PEMT: variants seen among roughly 807,000 people sequenced by gnomAD.
PEMT encodes the protein phospholipid methyltransferase.
In PEMT, 23 loss-of-function variants were observed where a neutral mutation model predicts 27.4. That is an observed-to-expected ratio of 0.84 (90% confidence interval 0.60 to 1.19). The LOEUF (loss-of-function observed/expected upper bound fraction) is 1.19. PEMT is among the 50% of genes most tolerant of loss of function. PEMT has a pLI of 0.00. For synonymous variants in PEMT, 137 were observed against 139.1 expected (o/e 0.98, Z 0.11); for missense variants, 307 against 310.1 (o/e 0.99, Z 0.07).
Position 17,586,288 on chromosome 17 carries a change from G to GAAAGAAAGAAA in PEMT, c.96+5242_96+5243insTTTCTTTCTTT, listed in dbSNP as rs1555546133. Among the ~76,000 whole-genome samples, 44 of 72,052 alleles carry GAAAGAAAGAAA rather than the reference G, an allele frequency of 6.1e-4. 1 individual carries two copies. The highest frequency in any genetic ancestry group is 8.5e-4 in the Non-Finnish European group (30 of 35,362). The allele number at this position is 72,052 out of a possible 152,430, so 47.3% of individuals were successfully genotyped here. On this transcript the variant is annotated intron_variant, in intron 1 of 6. Coordinates refer to ENST00000255389, the MANE Select transcript of PEMT (RefSeq NM_148172.3). Reference sequence around the variant, plus strand: ...AGAAAGAAAGAAAGAAAGAAAGAAAGAAAAAAAAAAACGCAGGTGGAAAAT... The same window carrying GAAAGAAAGAAA: ...AGAAAGAAAGAAAGAAAGAAAGAAAGAAAGAAAGAAAAAAAAAAAAAACGCAGGTGGAAAAT...
intron 2 of PEMT, among the ~76,000 whole-genome samples, chr17:17,554,401 G>A (rs1462181478): frequency 3.9e-5 from 6 of 152,126 alleles, no homozygotes; most frequent in Non-Finnish European, 7.4e-5. Context: ...CATGAACGTG[G>A]CCCTCCGTGC....
intron 1 of PEMT, 81 bp from the exon 2 acceptor site, chr17:17,577,108 C>G: frequency 9.6e-7 from 1 of 1,036,848 alleles, no homozygotes; most frequent in South Asian, 1.3e-5. Flanking sequence ...AAAAGTTACC[C>G]TCTGGGAACA....
intron 2 of PEMT, among the ~76,000 whole-genome samples, chr17:17,539,561 C>T (rs186851562): frequency 2.2e-4 from 33 of 152,288 alleles, no homozygotes; most frequent in African/African-American, 7.0e-4. Context: ...TTGGTGTGGA[C>T]GTGCCACAGT....
intron 2 of PEMT, among the ~76,000 whole-genome samples, chr17:17,563,379 C>T (rs1020518857): frequency 1.3e-5 from 2 of 152,118 alleles, no homozygotes; most frequent in Non-Finnish European, 2.9e-5. Context: ...TTCCAATAAC[C>T]GCATCCGCAG....
At chr17:17,565,046 A>T (rs1910738115) in intron 2 of PEMT, among the ~76,000 whole-genome samples, 1 of 152,152 alleles carries the variant, frequency 6.6e-6, no homozygotes, top group African/African-American at 2.4e-5. Context: ...TTGCGAGACA[A>T]CAGCTGGTTT....
intron 1 of PEMT, chr17:17,577,597 G>T: frequency 1.3e-6 from 1 of 784,224 alleles, no homozygotes; most frequent in Non-Finnish European, 1.5e-6. Flanking sequence ...CCCCCGCCCC[G>T]CCATCATCTT....
upstream of PEMT, chr17:17,591,728 TC>T: frequency 2.7e-6 from 4 of 1,490,528 alleles, no homozygotes; most frequent in Non-Finnish European, 3.6e-6. Flanking sequence ...CGGGGCGCTT[TC>T]CCGGTGACCC....
At chr17:17,526,011 A>T (rs909536541) in intron 2 of PEMT, among the ~76,000 whole-genome samples, 3 of 151,994 alleles carry the variant, frequency 2.0e-5, no homozygotes, top group Admixed American at 6.6e-5. Flanking sequence ...AAACAAACAA[A>T]CAAACAATGT....
rs532175629 is a variant in PEMT, at chr17:17,548,699, C to A, written c.205-26304G>T. 5.9e-5 allele frequency among the ~76,000 whole-genome samples: 9 copies of A among 152,284 alleles called. No individual in the cohort carries two copies. The East Asian group carries it at 1.4e-3, about 23-fold the overall frequency. On this transcript the variant is annotated intron_variant, in intron 2 of 6. Coordinates refer to ENST00000255389, the MANE Select transcript of PEMT (RefSeq NM_148172.3). Reference sequence around the variant, plus strand: ...GAGTAGCTGGGATTACAGGCATGCACCACCACGCCTGGCTAAGTTTGCATT... The same window carrying A: ...GAGTAGCTGGGATTACAGGCATGCAACACCACGCCTGGCTAAGTTTGCATT...
At position 17,571,565 on chromosome 17, in the gene PEMT, C is replaced by G. The variant is rs538773817; in HGVS notation, c.204+5355G>C. Reference sequence around the variant, plus strand: ...CGGAGTGGGTGCTGATGAGCAGAAGCGGGCAGCACCCCAGCCCAATGCTGG... The same window carrying G: ...CGGAGTGGGTGCTGATGAGCAGAAGGGGGCAGCACCCCAGCCCAATGCTGG... On this transcript the variant is annotated intron_variant, in intron 2 of 6. Coordinates refer to ENST00000255389, the MANE Select transcript of PEMT (RefSeq NM_148172.3). Among the ~76,000 whole-genome samples the G allele has an allele frequency of 2.0e-5, 3 of 152,218 alleles. No individual in the cohort carries two copies. In the South Asian group the frequency reaches 6.2e-4, roughly 32 times the overall value.
chr17:17,570,674 C>G lies in PEMT; in HGVS notation c.204+6246G>C, dbSNP rs899231592. 82 of 985,246 alleles carry G rather than the reference C, an allele frequency of 8.3e-5. No individual in the cohort carries two copies. In the African/African-American group the frequency reaches 1.3e-3, roughly 16 times the overall value. 61.0% of individuals were successfully genotyped at this position (985,246 alleles called of 1,614,324 possible). A position where few individuals can be genotyped will look rare whatever the true frequency, so the allele number is the denominator to read the frequency against. ...ATGACTGAGGATACAGGTGGGAGGA[C>G]GCCTGCCAGAAGGGCCTCCCGGGAC... is the stretch of plus-strand genomic sequence containing the variant. On this transcript the variant is annotated intron_variant, in intron 2 of 6. Transcript: ENST00000255389.
chr17:17,581,901 C>T (rs2142755179), intron 1 of PEMT, among the ~76,000 whole-genome samples: 1 of 152,286 alleles, frequency 6.6e-6, no homozygotes, highest in African/African-American at 2.4e-5. Context: ...TCCCCGATCC[C>T]CACTCAGAGA....
chr17:17,577,174 A>C, intron 1 of PEMT, 147 bp from the exon 2 acceptor site: 1 of 642,952 alleles, frequency 1.6e-6, no homozygotes. Flanking sequence ...GTGTAGTCTC[A>C]TAAAAGGGAA....
intron 2 of PEMT, among the ~76,000 whole-genome samples, chr17:17,525,571 G>GT (rs1907607936): frequency 6.6e-6 from 1 of 152,192 alleles, no homozygotes. Flanking sequence ...ACTGCTCCTG[G>GT]TTTTTGCCTG....
At chr17:17,577,459 C>G in intron 1 of PEMT, 7 of 1,037,724 alleles carry the variant, frequency 6.7e-6, no homozygotes, top group Non-Finnish European at 8.1e-6. Context: ...GTGTGCCTCT[C>G]CTCGCCCACA....
chr17:17,518,165 G>A (rs1906985253), intron 3 of PEMT: 10 of 985,212 alleles, frequency 1.0e-5, no homozygotes, highest in Non-Finnish European at 1.2e-5. Context: ...ACTGGTGAAC[G>A]ACACCAGGAG....
At chr17:17,547,437 A>T (rs1174759207) in intron 2 of PEMT, among the ~76,000 whole-genome samples, 1 of 152,252 alleles carries the variant, frequency 6.6e-6, no homozygotes, top group South Asian at 2.1e-4. Flanking sequence ...GCCAAAGAAC[A>T]GGGTGCTGGG....
At position 17,565,549 on chromosome 17, in the gene PEMT, C is replaced by T. The variant is rs1319296346; in HGVS notation, c.204+11371G>A. On this transcript the variant is annotated intron_variant, in intron 2 of 6. Coordinates refer to ENST00000255389, the MANE Select transcript of PEMT (RefSeq NM_148172.3). Reference sequence around the variant, plus strand: ...CACGCCTGGCAGGAAATGGGGAGGGCGGGGAGTCAGGACAGGTGGCAGGAA... The same window carrying T: ...CACGCCTGGCAGGAAATGGGGAGGGTGGGGAGTCAGGACAGGTGGCAGGAA... Among the ~76,000 whole-genome samples the T allele has an allele frequency of 6.6e-5, 10 of 152,170 alleles. No homozygotes were observed. In the South Asian group the frequency reaches 1.4e-3, roughly 22 times the overall value.
chr17:17,545,782 G>T (rs901060785), intron 2 of PEMT, among the ~76,000 whole-genome samples: 2 of 152,208 alleles, frequency 1.3e-5, no homozygotes, highest in African/African-American at 4.8e-5. Context: ...AGAGGGACAG[G>T]TCACAGCGTT....
Sources: allele counts gnomAD v4.1 joint callset (sites outside exome capture counted in the v4.1 genomes callset), GRCh38; gene constraint gnomAD v4.1.1; transcripts MANE v1.5; gene names NCBI Gene and HGNC (gene_info 2026-07-23, HGNC 2026-07-21).